Variants in TCF4 observed in about 807,000 individuals in gnomAD.
TCF4 encodes transcription factor 4.
TCF4 carries 3 observed loss-of-function variants against 82.1 expected under a neutral mutation model. The ratio of observed to expected loss-of-function variants is 0.04; its 90% CI spans 0.02 to 0.09. The LOEUF is 0.09. Among genes scored for constraint, TCF4 ranks in the 10% least tolerant of loss-of-function variants. The pLI is 1.00. For synonymous variants in TCF4, 276 were observed against 309.6 expected, an observed-to-expected ratio of 0.89 and a Z score of 1.14; for missense variants, 518 against 852.7, an observed-to-expected ratio of 0.61 and a Z score of 4.89.
At chr18:55,406,717 T>C (rs2094109446) in intron 5 of TCF4, among the ~76,000 whole-genome samples, 1 of 152,098 alleles carries the variant, frequency 6.6e-6, no homozygotes, top group African/African-American at 2.4e-5. Context: ...TTTCCTCCTT[T>C]CTCCATTCTT....
chr18:55,589,837 T>A (rs1181461495), upstream of TCF4: 20 of 1,004,264 alleles, frequency 2.0e-5, no homozygotes, highest in Non-Finnish European at 2.1e-5. Context: ...CGGCTGCTCC[T>A]CCAGACAATG....
At chr18:55,268,585 C>A (rs376699491) in intron 11 of TCF4, 13 of 152,160 alleles carry the variant, frequency 8.5e-5, no homozygotes, top group Admixed American at 5.2e-4. Context: ...GGAGAGGCTG[C>A]GAGATAGCTC....
At chr18:55,446,625 T>C (rs371684932) in intron 5 of TCF4, among the ~76,000 whole-genome samples, 42 of 152,210 alleles carry the variant, frequency 2.8e-4, no homozygotes, top group African/African-American at 1.0e-3. Flanking sequence ...AAGTTTATTA[T>C]AAGGAGCAAG....
Position 55,365,217 on chromosome 18 carries a change from A to ATG in TCF4, c.370-14216_370-14215dup, listed in dbSNP as rs573120268. ...TGTGTGTGTGTGTGTGTGTATATAT[A>ATG]TGTGTGTGTGTGTGTGTATATATAT... On this transcript the variant is annotated intron_variant, in intron 6 of 19. Coordinates refer to ENST00000354452, the MANE Select transcript of TCF4 (RefSeq NM_001083962.2). 8.2e-3 allele frequency among the ~76,000 whole-genome samples: 1,025 copies of ATG among 125,658 alleles called. 18 individuals carry two copies. Among genetic ancestry groups the ATG allele is most frequent in the Middle Eastern group, 0.035 (9 of 258 alleles). 82.4% of individuals were successfully genotyped at this position (125,658 alleles called of 152,430 possible).
At chr18:55,439,013 A>G (rs1053636060) in intron 5 of TCF4, among the ~76,000 whole-genome samples, 19 of 152,166 alleles carry the variant, frequency 1.2e-4, no homozygotes, top group African/African-American at 4.6e-4. Context: ...GGGTGGTTCA[A>G]ATAGAGATGG....
chr18:55,503,174 A>C (rs2096718565), intron 3 of TCF4, among the ~76,000 whole-genome samples: 1 of 152,250 alleles, frequency 6.6e-6, no homozygotes, highest in South Asian at 2.1e-4. Context: ...CTCACCAACA[A>C]AACAAAATAA....
chr18:55,355,186 A>G (rs1347793145), intron 6 of TCF4, among the ~76,000 whole-genome samples: 3 of 152,198 alleles, frequency 2.0e-5, no homozygotes, highest in African/African-American at 7.2e-5. Flanking sequence ...AAAATTCTGA[A>G]CCACTATAAA....
chr18:55,562,059 T>C (rs894757498), intron 3 of TCF4, among the ~76,000 whole-genome samples: 3 of 152,222 alleles, frequency 2.0e-5, no homozygotes, highest in African/African-American at 7.2e-5. Flanking sequence ...ATACAACTAC[T>C]GTCTGTTTTG....
chr18:55,458,590 G>A (rs1314956231), intron 5 of TCF4, among the ~76,000 whole-genome samples: 1 of 152,088 alleles, frequency 6.6e-6, no homozygotes, highest in Admixed American at 6.6e-5. Flanking sequence ...CACCAAATAT[G>A]GCTCATCTGA....
intron 11 of TCF4, chr18:55,267,286 C>A (rs1028748387): frequency 6.6e-6 from 1 of 152,098 alleles, no homozygotes; most frequent in African/African-American, 2.4e-5. Flanking sequence ...TTACTTCCTG[C>A]GTTTCAGAAT....
At chr18:55,587,605 C>A (rs1339220743) in intron 1 of TCF4, among the ~76,000 whole-genome samples, 3 of 151,490 alleles carry the variant, frequency 2.0e-5, no homozygotes, top group Non-Finnish European at 2.9e-5. Context: ...CGCACACGCA[C>A]ACACACTCGC....
At chr18:55,469,901 G>GT (rs2096135413) in intron 3 of TCF4, among the ~76,000 whole-genome samples, 1 of 152,156 alleles carries the variant, frequency 6.6e-6, no homozygotes, top group African/African-American at 2.4e-5. Flanking sequence ...ATGGATAACA[G>GT]TTTTTTGAAA....
intron 6 of TCF4, among the ~76,000 whole-genome samples, chr18:55,362,382 G>GA (rs2085519814): frequency 1.4e-4 from 13 of 94,052 alleles, no homozygotes; most frequent in Non-Finnish European, 2.7e-4. Context: ...AGGAAGGAAG[G>GA]AAGGAAGGAA....
chr18:55,558,122 G>C (rs2097321118), intron 3 of TCF4, among the ~76,000 whole-genome samples: 1 of 152,104 alleles, frequency 6.6e-6, no homozygotes, highest in South Asian at 2.1e-4. Context: ...GGCGGTAGGA[G>C]GATCACTTGA....
At chr18:55,294,722 C>T (rs1427118229) in intron 8 of TCF4, among the ~76,000 whole-genome samples, 2 of 152,008 alleles carry the variant, frequency 1.3e-5, no homozygotes, top group East Asian at 1.9e-4. Context: ...GTAGAATTTA[C>T]GAATATCTCT....
At chr18:55,634,339 G>A (rs185889065) in intron 1 of TCF4, among the ~76,000 whole-genome samples, 1 of 151,752 alleles carries the variant, frequency 6.6e-6, no homozygotes, top group East Asian at 1.9e-4. Context: ...AGCTATTAAT[G>A]TCTCTGTTTT....
chr18:55,402,293 G>A, intron 6 of TCF4: 2 of 908,938 alleles, frequency 2.2e-6, no homozygotes, highest in Non-Finnish European at 2.6e-6. Context: ...CCCACCAGAA[G>A]TCGTACCTTC....
At chr18:55,569,849 T>C (rs1017575105) in intron 3 of TCF4, among the ~76,000 whole-genome samples, 12 of 152,278 alleles carry the variant, frequency 7.9e-5, no homozygotes, top group African/African-American at 2.9e-4. Context: ...TTAGTTTCCA[T>C]GCAACTTCAA....
chr18:55,441,802 A>G (rs1482742516), intron 5 of TCF4, among the ~76,000 whole-genome samples: 1 of 152,218 alleles, frequency 6.6e-6, no homozygotes, highest in African/African-American at 2.4e-5. Flanking sequence ...ATTGAGTAAT[A>G]TAGTCACAAA....
Sources: gnomAD v4.1 joint callset for allele counts (sites outside exome capture counted in the v4.1 genomes callset) on GRCh38, gnomAD v4.1.1 for gene constraint, MANE v1.5 for transcripts, NCBI Gene and HGNC (gene_info 2026-07-23, HGNC 2026-07-21) for gene names.